Variants in RPS6KA2 observed in about 807,000 individuals in gnomAD.
The protein encoded by RPS6KA2 is ribosomal protein S6 kinase alpha-2.
In RPS6KA2, 42 loss-of-function variants were observed where a neutral mutation model predicts 91.8. The ratio of observed to expected loss-of-function variants is 0.46; its 90% CI spans 0.36 to 0.59. The LOEUF is 0.59. Among genes scored for constraint, RPS6KA2 ranks in the 20% least tolerant of loss-of-function variants. The pLI is 0.00. For missense variants in RPS6KA2, 798 were observed against 978.5 expected (o/e 0.82, Z 2.46); for synonymous variants, 414 against 393.6 (o/e 1.05, Z -0.61).
At chr6:166,677,311 A>G (rs551420025) in intron 2 of RPS6KA2, among the ~76,000 whole-genome samples, 48 of 152,266 alleles carry the variant, frequency 3.2e-4, no homozygotes, top group African/African-American at 1.2e-3. Flanking sequence ...ATACTATACA[A>G]TACAAATACC....
chr6:166,707,724 A>ATCTT (rs891898111), intron 2 of RPS6KA2, among the ~76,000 whole-genome samples: 32 of 152,090 alleles, frequency 2.1e-4, no homozygotes, highest in Admixed American at 1.4e-3. Context: ...TCAGAGAGTA[A>ATCTT]TCTTTCTTTC....
chr6:166,468,673 C>A (rs977595829), intron 11 of RPS6KA2, among the ~76,000 whole-genome samples: 1 of 151,782 alleles, frequency 6.6e-6, no homozygotes, highest in African/African-American at 2.4e-5. Context: ...ATCATCCTGG[C>A]TAACACGGTG....
intron 2 of RPS6KA2, among the ~76,000 whole-genome samples, chr6:166,691,196 G>C (rs568194550): frequency 6.6e-6 from 1 of 151,976 alleles, no homozygotes; most frequent in Non-Finnish European, 1.5e-5. Flanking sequence ...TTACGGCCCC[G>C]GGTTCTAGCC....
chr6:166,593,943 A>G (rs2128522622), intron 1 of RPS6KA2, among the ~76,000 whole-genome samples: 1 of 152,356 alleles, frequency 6.6e-6, no homozygotes, highest in Admixed American at 6.5e-5. Flanking sequence ...AATGCACAGA[A>G]CTATTCTGTT....
chr6:166,575,821 A>T (rs1176510298), intron 1 of RPS6KA2, among the ~76,000 whole-genome samples: 1 of 152,204 alleles, frequency 6.6e-6, no homozygotes, highest in East Asian at 1.9e-4. Flanking sequence ...GCTCACCAAG[A>T]TAGCAATCTA....
At chr6:166,561,693 A>T (rs900548531) in intron 1 of RPS6KA2, among the ~76,000 whole-genome samples, 2 of 152,086 alleles carry the variant, frequency 1.3e-5, no homozygotes, top group Non-Finnish European at 1.5e-5. Flanking sequence ...CCTGCCCCAA[A>T]GCCTTGGAAA....
At chr6:166,824,809 G>GTC (rs1253668758) in intron 2 of RPS6KA2, among the ~76,000 whole-genome samples, 2 of 9,232 alleles carry the variant, frequency 2.2e-4, no homozygotes, top group Non-Finnish European at 1.0e-3. Context: ...GTGTGTCTAT[G>GTC]TGTGTCTGTG....
At chr6:166,616,813 T>C (rs1786433482) in intron 1 of RPS6KA2, among the ~76,000 whole-genome samples, 1 of 152,210 alleles carries the variant, frequency 6.6e-6, no homozygotes, top group African/African-American at 2.4e-5. Context: ...CCCACTGTGG[T>C]GCCCATGGGG....
Position 166,733,559 on chromosome 6 carries a change from C to T in RPS6KA2, c.123+124641G>A, listed in dbSNP as rs1035705256. Among the ~76,000 whole-genome samples the T allele has an allele frequency of 1.4e-4, 21 of 152,146 alleles. No individual in the cohort carries two copies. The highest frequency in any genetic ancestry group is 1.3e-4 in the Admixed American group (2 of 15,278). On this transcript the variant is annotated intron_variant, in intron 2 of 21. Transcript: ENST00000503859. The surrounding 1 kb of genome is among the most constrained non-coding windows in gnomAD (Gnocchi z 4.1). Reference sequence around the variant, plus strand: ...TTCCTTCTTCTCATCTCATTTTCTTCGTCTGATAATCTTAATTTTATCTTG... The same window carrying T: ...TTCCTTCTTCTCATCTCATTTTCTTTGTCTGATAATCTTAATTTTATCTTG...
At chr6:166,422,773 T>C (rs540390365) in intron 17 of RPS6KA2, among the ~76,000 whole-genome samples, 2 of 152,130 alleles carry the variant, frequency 1.3e-5, no homozygotes, top group South Asian at 2.1e-4. Flanking sequence ...AGCCCTGCGG[T>C]TCTCAATCTG....
chr6:166,685,071 G>A (rs1008089236), intron 2 of RPS6KA2, among the ~76,000 whole-genome samples: 1 of 152,242 alleles, frequency 6.6e-6, no homozygotes. Context: ...GGCTTCCATG[G>A]AAGCACCCCA....
intron 2 of RPS6KA2, among the ~76,000 whole-genome samples, chr6:166,669,261 T>C (rs891008653): frequency 1.3e-5 from 2 of 152,122 alleles, no homozygotes; most frequent in Non-Finnish European, 2.9e-5. Flanking sequence ...CAGCACCTGC[T>C]CCTTCCCCCG....
chr6:166,819,561 A>AATGT (rs1212446038), intron 2 of RPS6KA2, among the ~76,000 whole-genome samples: 1 of 152,184 alleles, frequency 6.6e-6, no homozygotes, highest in East Asian at 1.9e-4. Context: ...ACACAGTTCA[A>AATGT]ATGTATGCTG....
Position 166,770,759 on chromosome 6 carries a change from G to A in RPS6KA2, c.123+87441C>T, listed in dbSNP as rs373887974. 4.4e-5 allele frequency: 51 copies of A among 1,156,876 alleles called. No individual in the cohort carries two copies. In the East Asian group the frequency reaches 7.3e-4, roughly 17 times the overall value. The allele number at this position is 1,156,876 out of a possible 1,614,324, so 71.7% of individuals were successfully genotyped here. The stretch of plus-strand genomic sequence containing the variant: ...CTTGCCTTGCTGGACTCCGGGCACC[G>A]TGAAACAACTCAATAAATTGAAAAA... On this transcript the variant is annotated intron_variant, in intron 2 of 21. Coordinates refer to the RPS6KA2 transcript ENST00000503859. This position sits in a 1 kb window ranked among gnomAD's most constrained non-coding sequence, Gnocchi z 5.1.
intron 1 of RPS6KA2, among the ~76,000 whole-genome samples, chr6:166,602,956 G>A (rs1785804023): frequency 6.6e-6 from 1 of 152,186 alleles, no homozygotes; most frequent in South Asian, 2.1e-4. Flanking sequence ...CAAGCCAATG[G>A]TCTATCCACA....
intron 2 of RPS6KA2, among the ~76,000 whole-genome samples, chr6:166,534,058 T>C (rs1209467083): frequency 6.6e-6 from 1 of 151,712 alleles, no homozygotes; most frequent in African/African-American, 2.4e-5. Flanking sequence ...CCGTCTCTAC[T>C]AAAAATACAA....
intron 2 of RPS6KA2, among the ~76,000 whole-genome samples, chr6:166,801,365 T>C (rs563601556): frequency 3.3e-5 from 5 of 152,152 alleles, no homozygotes; most frequent in South Asian, 2.1e-4. Flanking sequence ...TATTTTGAGA[T>C]GAGGACTCGA....
At chr6:166,814,133 C>T (rs1375244059) in intron 2 of RPS6KA2, among the ~76,000 whole-genome samples, 6 of 152,060 alleles carry the variant, frequency 3.9e-5, no homozygotes, top group African/African-American at 1.4e-4. Flanking sequence ...ATTTTTATTG[C>T]ATTAGGATGA....
chr6:166,860,261 T>C (rs932810927), intron 1 of RPS6KA2, among the ~76,000 whole-genome samples: 1 of 152,186 alleles, frequency 6.6e-6, no homozygotes, highest in Non-Finnish European at 1.5e-5. Flanking sequence ...CCACCAGCTG[T>C]GCTCTCCTGA....
Sources: gnomAD v4.1 joint callset for allele counts (sites outside exome capture counted in the v4.1 genomes callset) on GRCh38, gnomAD v4.1.1 for gene constraint, Gnocchi (gnomAD v3.1) non-coding constraint, MANE v1.5 for transcripts, NCBI Gene and HGNC (gene_info 2026-07-23, HGNC 2026-07-21) for gene names.